The following CEP63 variants were observed in gnomAD, a reference collection of about 807,000 sequenced individuals.
CEP63 encodes centrosomal protein 63, also known as centrosomal protein of 63 kDa.
CEP63 carries 84 observed loss-of-function variants against 89.1 expected under a neutral mutation model. The ratio of observed to expected loss-of-function variants is 0.94; its 90% confidence interval spans 0.79 to 1.13. CEP63 has a LOEUF of 1.13. Among genes scored for constraint, CEP63 ranks in the 50% most tolerant of loss-of-function variants. The probability of loss-of-function intolerance (pLI) is 0.00; values close to 1 mark genes in which losing one functional copy is unlikely to be tolerated. For synonymous variants in CEP63, 267 were observed against 272.5 expected, an observed-to-expected ratio of 0.98 and a Z score of 0.20; for missense variants, 838 against 813.3, an observed-to-expected ratio of 1.03 and a Z score of -0.37.
intron 2 of CEP63, among the ~76,000 whole-genome samples, chr3:134,495,677 G>A (rs1576735202): frequency 6.6e-6 from 1 of 152,210 alleles, no homozygotes; most frequent in Middle Eastern, 3.4e-3. Context: ...TAACACTAGA[G>A]CTTACTCTTC....
At chr3:134,596,764 G>T in the CEP63 span, among the ~76,000 whole-genome samples, 1 of 152,318 alleles carries the variant, frequency 6.6e-6, no homozygotes, top group African/African-American at 2.4e-5. Flanking sequence ...CATCCTAGGG[G>T]CAGAACCTCC....
chr3:134,730,818 T>C, the CEP63 span, among the ~76,000 whole-genome samples: 1 of 152,070 alleles, frequency 6.6e-6, no homozygotes, highest in African/African-American at 2.4e-5. Flanking sequence ...AGTTACAAGA[T>C]AGAATTATCA....
In CEP63 at chr3:134,558,346, A is replaced by G; in HGVS notation, c.1672A>G (p.Lys558Glu). The change falls in exon 13 of 15, where the codon AAG becomes GAG. Residue 558 changes from lysine to glutamate, a missense_variant and splice_region_variant. Lys to Glu is a moderately conservative substitution (Grantham distance 56). Coordinates refer to ENST00000675561, the MANE Select transcript of CEP63 (RefSeq NM_001353108.3). ...AACTGAGTTCAAGAATACAGAGTTC[A>G]AGTAAAATTTTTTAAAAGTTTATTT... ...RTTEFKNTEF[K>E]PTHGQHRHDG... is the part of the protein sequence containing the mutation. 1.3e-6 allele frequency: 2 copies of G among 1,590,040 alleles called. No individual in the cohort carries two copies. Among genetic ancestry groups the G allele is most frequent in the Non-Finnish European group, 1.7e-6 (2 of 1,166,006 alleles).
chr3:134,533,894 TA>T (rs1251316900), intron 5 of CEP63, among the ~76,000 whole-genome samples: 1 of 152,222 alleles, frequency 6.6e-6, no homozygotes, highest in Non-Finnish European at 1.5e-5. Context: ...TATATCTCAA[TA>T]TTTTTTTACA....
rs887593489 is a variant in CEP63 at position 134,532,774 on chromosome 3, A to G, written c.319-4A>G. ...TTTAAATATAGAAATAACTGTTTCT[A>G]CAGTTATGCATACTGAAGAGAAGCT... On this transcript the variant is annotated splice_region_variant and splice_polypyrimidine_tract_variant and intron_variant, in intron 4 of 14. Coordinates refer to ENST00000675561, the MANE Select transcript of CEP63 (RefSeq NM_001353108.3). 1 of 1,595,830 alleles carries G rather than the reference A, an allele frequency of 6.3e-7. No individual in the cohort carries two copies. Among genetic ancestry groups the G allele is most frequent in the Admixed American group, 1.7e-5 (1 of 59,874 alleles).
the CEP63 span, among the ~76,000 whole-genome samples, chr3:134,777,912 G>A: frequency 6.6e-6 from 1 of 151,610 alleles, no homozygotes; most frequent in East Asian, 2.0e-4. Context: ...ACCGCGCCCG[G>A]CTTTAGGCTT....
chr3:134,664,775 C>A, the CEP63 span, among the ~76,000 whole-genome samples: 1 of 151,610 alleles, frequency 6.6e-6, no homozygotes, highest in Non-Finnish European at 1.5e-5. Flanking sequence ...TTTTTTTGGG[C>A]CCTGGTTTTC....
At chr3:134,617,530 A>T in the CEP63 span, among the ~76,000 whole-genome samples, 1 of 152,236 alleles carries the variant, frequency 6.6e-6, no homozygotes, top group Non-Finnish European at 1.5e-5. Flanking sequence ...TATGCACAGA[A>T]CACAGTCTGG....
intron 3 of CEP63, among the ~76,000 whole-genome samples, chr3:134,528,639 G>C (rs1004046084): frequency 9.9e-5 from 15 of 151,506 alleles, no homozygotes; most frequent in Admixed American, 3.3e-4. Context: ...TATGTTAGGA[G>C]TAATGGCTGT....
the CEP63 span, among the ~76,000 whole-genome samples, chr3:134,780,844 A>T: frequency 1.3e-5 from 2 of 152,274 alleles, no homozygotes; most frequent in Admixed American, 1.3e-4. Flanking sequence ...TGTTTATGAC[A>T]TTCTCCTCCT....
intron 6 of CEP63, among the ~76,000 whole-genome samples, chr3:134,540,848 G>A (rs1200519430): frequency 1.3e-5 from 2 of 148,980 alleles, no homozygotes; most frequent in Non-Finnish European, 3.0e-5. Flanking sequence ...ACAGTGGCCT[G>A]ATCTCGGCTG....
the CEP63 span, among the ~76,000 whole-genome samples, chr3:134,776,061 G>T: frequency 4.9e-4 from 75 of 152,350 alleles, no homozygotes; most frequent in South Asian, 9.5e-3. Context: ...AGAAATATCT[G>T]TGGTGTTGTA....
At chr3:134,609,218 T>A in the CEP63 span, among the ~76,000 whole-genome samples, 1 of 152,216 alleles carries the variant, frequency 6.6e-6, no homozygotes, top group East Asian at 1.9e-4. Context: ...ACTGCCTCCA[T>A]CTACCCCAAC....
chr3:134,636,914 C>T, the CEP63 span, among the ~76,000 whole-genome samples: 1 of 152,070 alleles, frequency 6.6e-6, no homozygotes, highest in Non-Finnish European at 1.5e-5. Context: ...GGCTATTTTC[C>T]TATTGAAGTA....
intron 1 of CEP63, chr3:134,487,870 A>G (rs1016743337): frequency 2.6e-5 from 4 of 152,228 alleles, no homozygotes; most frequent in African/African-American, 9.6e-5. Context: ...GGTGATGCAC[A>G]TTTGACATCT....
At chr3:134,685,335 C>T in the CEP63 span, among the ~76,000 whole-genome samples, 19 of 151,924 alleles carry the variant, frequency 1.3e-4, no homozygotes, top group African/African-American at 4.1e-4. Flanking sequence ...TCTGTTGACC[C>T]GTAGCATCCA....
chr3:134,539,967 G>C (rs1951665416), intron 6 of CEP63, among the ~76,000 whole-genome samples: 1 of 152,130 alleles, frequency 6.6e-6, no homozygotes, highest in Non-Finnish European at 1.5e-5. Context: ...CTTACATACA[G>C]TGTGCAGTAC....
chr3:134,720,105 A>G, the CEP63 span, among the ~76,000 whole-genome samples: 1 of 152,054 alleles, frequency 6.6e-6, no homozygotes, highest in Non-Finnish European at 1.5e-5. Context: ...GAGGGTTCCA[A>G]TTTCTTCAAT....
At chr3:134,543,478 C>T (rs1430293965) in intron 6 of CEP63, among the ~76,000 whole-genome samples, 1 of 152,170 alleles carries the variant, frequency 6.6e-6, no homozygotes, top group Non-Finnish European at 1.5e-5. Context: ...AGGTTATGTT[C>T]TCCATTCTTC....
Sources: allele counts gnomAD v4.1 joint callset (sites outside exome capture counted in the v4.1 genomes callset), GRCh38; gene constraint gnomAD v4.1.1; transcripts MANE v1.5; gene names NCBI Gene and HGNC (gene_info 2026-07-23, HGNC 2026-07-21).